The following ADGRG6 variants were observed in gnomAD, a reference collection of about 807,000 sequenced individuals.
The protein encoded by ADGRG6 is adhesion G protein-coupled receptor G6.
Under a neutral mutation model 142.4 loss-of-function variants are expected in ADGRG6, and 84 were observed. The ratio of observed to expected loss-of-function variants is 0.59; its 90% CI spans 0.49 to 0.71. The LOEUF (loss-of-function observed/expected upper bound fraction) is 0.71. Among genes scored for constraint, ADGRG6 ranks in the 30% least tolerant of loss-of-function variants. The pLI is 0.00. For synonymous variants in ADGRG6, 521 were observed against 520.5 expected, an observed-to-expected ratio of 1.00 and a Z score of -0.01; for missense variants, 1,367 against 1,466.6, an observed-to-expected ratio of 0.93 and a Z score of 1.11.
intron 2 of ADGRG6, among the ~76,000 whole-genome samples, chr6:142,364,829 C>T (rs1470071466): frequency 2.0e-5 from 3 of 152,140 alleles, no homozygotes; most frequent in Non-Finnish European, 2.9e-5. Context: ...AGGGCCACTA[C>T]ACTCCAGCCT....
chr6:142,324,308 T>C (rs1019603812), intron 2 of ADGRG6, among the ~76,000 whole-genome samples: 1 of 152,122 alleles, frequency 6.6e-6, no homozygotes, highest in East Asian at 1.9e-4. Flanking sequence ...CAATTGCTGA[T>C]GTCAGCATGG....
intron 2 of ADGRG6, among the ~76,000 whole-genome samples, chr6:142,322,008 C>CTG (rs1778543131): frequency 6.6e-6 from 1 of 152,090 alleles, no homozygotes; most frequent in Admixed American, 6.6e-5. Flanking sequence ...AGTATTTTGG[C>CTG]TGGAAAATAT....
At position 142,403,885 on chromosome 6, in the gene ADGRG6, C is replaced by T. The variant is rs756543816; in HGVS notation, c.2039C>T (p.Ala680Val). The change falls in exon 14 of 25, where the codon GCT becomes GTT. Residue 680 changes from alanine to valine, a missense_variant. Ala to Val is a moderately conservative substitution (Grantham distance 64, BLOSUM62 0). Transcript: ENST00000367609. ...GTGAATATTACAACTCGGAACTTGGCTCTCAGCGTATCATCCCTGTTACCA... is the reference window on the plus strand; with the variant it reads ...GTGAATATTACAACTCGGAACTTGGTTCTCAGCGTATCATCCCTGTTACCA... The part of the protein sequence containing the change: ...SHVNITTRNL[A>V]LSVSSLLPGT... The T allele has an allele frequency of 4.4e-6, 7 of 1,608,084 alleles. No individual in the cohort carries two copies. The South Asian group carries it at 4.4e-5, about 10-fold the overall frequency.
intron 2 of ADGRG6, among the ~76,000 whole-genome samples, chr6:142,346,169 A>C (rs115701868): frequency 0.019 from 2,908 of 152,238 alleles, 95 homozygotes; most frequent in African/African-American, 0.066. Flanking sequence ...TCAGTCTTGG[A>C]GGCTCAGAAG....
chr6:142,315,408 T>C (rs1400273351), intron 2 of ADGRG6, among the ~76,000 whole-genome samples: 2 of 151,656 alleles, frequency 1.3e-5, no homozygotes, highest in Non-Finnish European at 2.9e-5. Flanking sequence ...CAAACCCCAA[T>C]ATATTCCAGA....
rs372675849 is a variant in ADGRG6, at chr6:142,399,238, A to G, written c.1568-1247A>G. ...GAGGGCGATTGCGACCAAGGCCATA[A>G]TCACAGTCTAGTAAAGAGGCAGGCA... On this transcript the variant is annotated intron_variant, in intron 10 of 24. Coordinates refer to ENST00000367609, the MANE Select transcript of ADGRG6 (RefSeq NM_198569.3). Among the ~76,000 whole-genome samples, 3 of 152,244 alleles carry G rather than the reference A, an allele frequency of 2.0e-5. No homozygotes were observed. The East Asian group carries it at 5.8e-4, about 29-fold the overall frequency.
intron 2 of ADGRG6, among the ~76,000 whole-genome samples, chr6:142,343,567 C>T: frequency 6.6e-6 from 1 of 151,660 alleles, no homozygotes; most frequent in East Asian, 1.9e-4. Context: ...TCAGGTTTTT[C>T]TTGAGATAAA....
At chr6:142,410,342 G>T (rs1776018189) in intron 17 of ADGRG6, among the ~76,000 whole-genome samples, 1 of 152,084 alleles carries the variant, frequency 6.6e-6, no homozygotes, top group South Asian at 2.1e-4. Context: ...TGAGGGAGGT[G>T]AGAAGCTGAC....
intron 2 of ADGRG6, among the ~76,000 whole-genome samples, chr6:142,340,501 A>C (rs1583006615): frequency 6.6e-6 from 1 of 152,146 alleles, no homozygotes; most frequent in Non-Finnish European, 1.5e-5. Flanking sequence ...TAGCTATATA[A>C]GGTTACAGTG....
chr6:142,316,506 A>G (rs1191487760), intron 2 of ADGRG6, among the ~76,000 whole-genome samples: 2 of 152,184 alleles, frequency 1.3e-5, no homozygotes, highest in Non-Finnish European at 2.9e-5. Context: ...TATTGAAGTA[A>G]AATATAGATC....
chr6:142,391,434 TACACAC>T (rs35253608), intron 7 of ADGRG6, among the ~76,000 whole-genome samples: 3,718 of 132,418 alleles, frequency 0.028, 108 homozygotes, highest in African/African-American at 0.075. Flanking sequence ...AAGTGGTAGC[TACACAC>T]ACACACACAC....
intron 22 of ADGRG6, among the ~76,000 whole-genome samples, chr6:142,423,757 G>T (rs1776788536): frequency 7.6e-6 from 1 of 131,072 alleles, no homozygotes; most frequent in East Asian, 2.3e-4. Context: ...AAATTACCTT[G>T]GGCAGTATGG....
At chr6:142,442,443 C>G (rs1213302992) in intron 24 of ADGRG6, among the ~76,000 whole-genome samples, 3 of 151,904 alleles carry the variant, frequency 2.0e-5, no homozygotes, top group African/African-American at 7.3e-5. Flanking sequence ...TTTCAGAACA[C>G]TATCTGAGCC....
intron 2 of ADGRG6, among the ~76,000 whole-genome samples, chr6:142,338,048 T>C (rs2114703064): frequency 7.2e-6 from 1 of 139,208 alleles, no homozygotes; most frequent in South Asian, 2.4e-4. Context: ...TGAGACGGAG[T>C]CTCGCTCTGT....
chr6:142,436,701 A>G (rs1309989742), intron 22 of ADGRG6, among the ~76,000 whole-genome samples: 1 of 152,210 alleles, frequency 6.6e-6, no homozygotes, highest in Non-Finnish European at 1.5e-5. Context: ...CAAGAGAAAG[A>G]TCGATGATGC....
intron 2 of ADGRG6, among the ~76,000 whole-genome samples, chr6:142,347,965 A>G (rs1048480178): frequency 5.9e-5 from 9 of 152,320 alleles, no homozygotes; most frequent in Admixed American, 4.6e-4. Context: ...TTTAAAATCT[A>G]AACATAAAGG....
chr6:142,340,324 T>TA (rs1779552396), intron 2 of ADGRG6, among the ~76,000 whole-genome samples: 1 of 152,110 alleles, frequency 6.6e-6, no homozygotes, highest in Non-Finnish European at 1.5e-5. Context: ...AGTTAGCTAA[T>TA]ATGTACAAGT....
In ADGRG6 at chr6:142,367,633, C is replaced by G. The variant is rs781112000; in HGVS notation, c.168C>G (p.Cys56Trp). 3 of 1,613,806 alleles carry G rather than the reference C, an allele frequency of 1.9e-6. No homozygotes were observed. In the South Asian group the frequency reaches 3.3e-5, roughly 18 times the overall value. ...SNPSGTFTSP[C>W]YPNDYPNSQA... ...CTTCTGGGACCTTTACTTCTCCATG[C>G]TACCCTAACGACTACCCAAACAGCC... The change falls in exon 3 of 25, where the codon TGC (cysteine) becomes TGG (tryptophan). Residue 56 changes from cysteine to tryptophan, a missense_variant. By Grantham distance (215) the Cys-to-Trp change is radical. Coordinates refer to ENST00000367609, the MANE Select transcript of ADGRG6 (RefSeq NM_198569.3).
At chr6:142,322,829 C>CGAAATGAGG (rs1778582888) in intron 2 of ADGRG6, among the ~76,000 whole-genome samples, 1 of 152,112 alleles carries the variant, frequency 6.6e-6, no homozygotes, top group African/African-American at 2.4e-5. Context: ...GATTTGTCCT[C>CGAAATGAGG]ATTTCACAAA....
Sources: gnomAD v4.1 joint callset for allele counts (sites outside exome capture counted in the v4.1 genomes callset) on GRCh38, gnomAD v4.1.1 for gene constraint, MANE v1.5 for transcripts, NCBI Gene and HGNC (gene_info 2026-07-23, HGNC 2026-07-21) for gene names.